Variants in LGR5 observed in about 807,000 individuals in gnomAD.
LGR5 encodes leucine-rich repeat-containing G protein-coupled receptor 5.
In LGR5, 54 loss-of-function variants were observed where a neutral mutation model predicts 76.7. The observed-to-expected ratio is 0.70, with a 90% CI of 0.57 to 0.88. The LOEUF is 0.88. LGR5 is among the 40% of genes least tolerant of loss of function. LGR5 has a pLI of 0.00. For synonymous variants in LGR5, 406 were observed against 421.9 expected (o/e 0.96, Z 0.46); for missense variants, 1,078 against 1,073.3 (o/e 1.00, Z -0.06).
In LGR5 at chr12:71,559,575, C is replaced by G; in HGVS notation, c.717-11C>G. 2 of 1,441,914 alleles carry G rather than the reference C, an allele frequency of 1.4e-6. No homozygotes were observed. The highest frequency in any genetic ancestry group is 2.0e-6 in the Non-Finnish European group (2 of 1,024,462). The allele number at this position is 1,441,914 out of a possible 1,614,324, so 89.3% of individuals were successfully genotyped here. A position where few individuals can be genotyped will look rare whatever the true frequency, so the allele number is the denominator to read the frequency against. ...AATAAAAAACTGAAAATACTATGTA[C>G]TCATTTTCAGAGATTTAAATTACAA... On this transcript the variant is annotated splice_polypyrimidine_tract_variant and intron_variant, in intron 6 of 17. Coordinates refer to ENST00000266674, the MANE Select transcript of LGR5 (RefSeq NM_003667.4).
chr12:71,444,152 T>C (rs1243153657), intron 1 of LGR5, among the ~76,000 whole-genome samples: 1 of 152,042 alleles, frequency 6.6e-6, no homozygotes, highest in African/African-American at 2.4e-5. Flanking sequence ...TAGTTCTGCT[T>C]CTCTTATCTT....
intron 1 of LGR5, among the ~76,000 whole-genome samples, chr12:71,477,646 A>G (rs532439717): frequency 2.0e-5 from 3 of 152,226 alleles, no homozygotes; most frequent in Non-Finnish European, 4.4e-5. Context: ...TAAAATCCTT[A>G]TCTTACTGCT....
chr12:71,558,338 G>A (rs1049439373), intron 6 of LGR5, among the ~76,000 whole-genome samples: 1 of 152,100 alleles, frequency 6.6e-6, no homozygotes, highest in Non-Finnish European at 1.5e-5. Flanking sequence ...AAGGACCCAG[G>A]ATTGCATGTA....
At position 71,440,089 on chromosome 12, in the gene LGR5, C is replaced by T. The variant is rs1170317950; in HGVS notation, c.9C>T (p.Thr3=). 6.2e-7 allele frequency: 1 copy of T among 1,602,980 alleles called. No individual in the cohort carries two copies. Among genetic ancestry groups the T allele is most frequent in the East Asian group, 2.2e-5 (1 of 44,826 alleles). ...CCCCTACTTCGGGCACCATGGACAC[C>T]TCCCGGCTCGGTGTGCTCCTGTCCT... The part of the protein sequence containing the change: MD[T]SRLGVLLSLP... Residue 3 remains threonine (T), a synonymous_variant, in exon 1 of 18, where the codon ACC becomes ACT. Coordinates refer to ENST00000266674, the MANE Select transcript of LGR5 (RefSeq NM_003667.4). This position sits in a 1 kb window ranked among gnomAD's most constrained non-coding sequence, Gnocchi z 5.3.
intron 3 of LGR5, among the ~76,000 whole-genome samples, chr12:71,528,420 C>CCA (rs1378181901): frequency 6.6e-6 from 1 of 152,026 alleles, no homozygotes; most frequent in African/African-American, 2.4e-5. Flanking sequence ...CAAGATTGCA[C>CCA]CACTATACTG....
At chr12:71,457,241 A>G (rs2137220516) in intron 1 of LGR5, among the ~76,000 whole-genome samples, 1 of 152,308 alleles carries the variant, frequency 6.6e-6, no homozygotes, top group African/African-American at 2.4e-5. Flanking sequence ...TTGGAAACAG[A>G]GTCCGGCCTG....
intron 6 of LGR5, among the ~76,000 whole-genome samples, chr12:71,559,293 C>T (rs1877936796): frequency 6.6e-6 from 1 of 152,324 alleles, no homozygotes; most frequent in Non-Finnish European, 1.5e-5. Flanking sequence ...AGAGACATCT[C>T]TCCTACTTAG....
intron 1 of LGR5, among the ~76,000 whole-genome samples, chr12:71,453,902 G>A (rs997304138): frequency 1.3e-5 from 2 of 152,044 alleles, no homozygotes; most frequent in African/African-American, 2.4e-5. Flanking sequence ...TGATGGCGAT[G>A]AGGCTAATAT....
chr12:71,560,831 C>G (rs1353276189), intron 7 of LGR5, among the ~76,000 whole-genome samples: 1 of 152,148 alleles, frequency 6.6e-6, no homozygotes, highest in Non-Finnish European at 1.5e-5. Flanking sequence ...CAGTTTAAAT[C>G]CATTTTGTGC....
intron 3 of LGR5, among the ~76,000 whole-genome samples, chr12:71,528,609 G>A (rs1398025996): frequency 1.3e-5 from 2 of 152,002 alleles, no homozygotes; most frequent in Admixed American, 6.6e-5. Flanking sequence ...AAGAAACACA[G>A]GATCTCATTG....
chr12:71,561,719 G>C (rs1252376435), intron 7 of LGR5, 62 bp from the exon 8 acceptor site: 20 of 890,832 alleles, frequency 2.2e-5, no homozygotes, highest in Non-Finnish European at 3.5e-5. Flanking sequence ...GTCAGGGTGG[G>C]GGCCTCTATT....
In LGR5 at chr12:71,513,936, C is replaced by T. The variant is rs987437180; in HGVS notation, c.284+9251C>T. On this transcript the variant is annotated intron_variant, in intron 2 of 17. Transcript: ENST00000266674. ...TATCAGTTGAGCTCCATACTCTGTG[C>T]ATGCAATAAGACTCTTGAGCTTAGG... Among the ~76,000 whole-genome samples, 3 of 152,218 alleles carry T rather than the reference C, an allele frequency of 2.0e-5. No homozygotes were observed. The South Asian group carries it at 6.2e-4, about 32-fold the overall frequency.
intron 1 of LGR5, among the ~76,000 whole-genome samples, chr12:71,462,483 T>C (rs1472906801): frequency 6.6e-6 from 1 of 152,132 alleles, no homozygotes. Context: ...CTGGGATCCA[T>C]TTTTCTAACC....
chr12:71,516,814 T>C (rs780310961), intron 2 of LGR5, among the ~76,000 whole-genome samples: 1 of 152,146 alleles, frequency 6.6e-6, no homozygotes. Flanking sequence ...TTAATAGCAA[T>C]TAAGTCAGTA....
intron 4 of LGR5, among the ~76,000 whole-genome samples, chr12:71,540,898 T>C (rs1876843757): frequency 6.6e-6 from 1 of 152,202 alleles, no homozygotes; most frequent in African/African-American, 2.4e-5. Flanking sequence ...TTGGTGATAT[T>C]CCTTCCACTA....
intron 1 of LGR5, among the ~76,000 whole-genome samples, chr12:71,487,064 A>T (rs1592482244): frequency 1.3e-5 from 2 of 152,202 alleles, no homozygotes; most frequent in East Asian, 3.9e-4. Context: ...TTGTTGTCAC[A>T]CAAGATGAAC....
At chr12:71,525,239 A>G (rs557989756) in intron 3 of LGR5, among the ~76,000 whole-genome samples, 104 of 152,240 alleles carry the variant, frequency 6.8e-4, no homozygotes, top group African/African-American at 2.4e-3. Flanking sequence ...ATTTCTGCTT[A>G]TTGAAAATTA....
At chr12:71,509,441 C>T (rs889836697) in intron 2 of LGR5, among the ~76,000 whole-genome samples, 55 of 152,078 alleles carry the variant, frequency 3.6e-4, no homozygotes, top group Non-Finnish European at 4.0e-4. Context: ...ATATAGGCAA[C>T]GATTGCAGAT....
At chr12:71,553,845 CTT>C (rs1158427502) in intron 5 of LGR5, among the ~76,000 whole-genome samples, 2 of 152,204 alleles carry the variant, frequency 1.3e-5, no homozygotes, top group South Asian at 4.1e-4. Context: ...AATCCCAGCA[CTT>C]TGCGAAGCCA....
Sources: allele counts gnomAD v4.1 joint callset (sites outside exome capture counted in the v4.1 genomes callset), GRCh38; gene constraint gnomAD v4.1.1; non-coding constraint Gnocchi (gnomAD v3.1); transcripts MANE v1.5; gene names NCBI Gene and HGNC (gene_info 2026-07-23, HGNC 2026-07-21).